The following PROCR variants were observed in gnomAD, a reference collection of about 807,000 sequenced individuals.
The protein encoded by PROCR is endothelial protein C receptor.
Under a neutral mutation model 24.2 loss-of-function variants are expected in PROCR, and 22 were observed. That is an observed-to-expected ratio of 0.91 (90% CI 0.65 to 1.30). The LOEUF (loss-of-function observed/expected upper bound fraction) is 1.30. Ranked by LOEUF, PROCR falls within the 50% of genes most tolerant of loss-of-function variation. The pLI is 0.00. For synonymous variants in PROCR, 137 were observed against 139.2 expected, an observed-to-expected ratio of 0.98 and a Z score of 0.11; for missense variants, 288 against 307.7, an observed-to-expected ratio of 0.94 and a Z score of 0.48.
At chr20:35,173,215 C>G (rs1211623707) in intron 1 of PROCR, among the ~76,000 whole-genome samples, 1 of 152,052 alleles carries the variant, frequency 6.6e-6, no homozygotes, top group Non-Finnish European at 1.5e-5. Context: ...CAGAGATTAC[C>G]AAGCATGGTT....
chr20:35,205,783 A>ATATATATATATATG (rs1555791723), intron 1 of PROCR, among the ~76,000 whole-genome samples: 10 of 137,862 alleles, frequency 7.3e-5, no homozygotes, highest in South Asian at 4.5e-4. Context: ...ATATATATAT[A>ATATATATATATATG]TATATGTATA....
At position 35,176,400 on chromosome 20, in the gene PROCR, C is replaced by T. The variant is rs1415218823; in HGVS notation, c.555C>T (p.Thr185=). The T allele has an allele frequency of 3.7e-6, 6 of 1,614,214 alleles. No homozygotes were observed. The highest frequency in any genetic ancestry group is 1.3e-5 in the African/African-American group (1 of 75,048). The change falls in exon 3 of 4, where the codon ACC becomes ACT. Residue 185 remains threonine (T), a synonymous_variant. Coordinates refer to ENST00000216968, the MANE Select transcript of PROCR (RefSeq NM_006404.5). ...AACTGCGGGAATTCCTGGAGGACAC[C>T]TGTGTGCAGTATGTGCAGAAACATA... ...RYELREFLED[T]CVQYVQKHIS...
chr20:35,205,039 G>A (rs1480908892), intron 1 of PROCR, among the ~76,000 whole-genome samples: 7 of 152,190 alleles, frequency 4.6e-5, no homozygotes, highest in Non-Finnish European at 8.8e-5. Context: ...TTGGGAGGGT[G>A]AAGCGGGCAG....
rs559639815 is a variant in PROCR at position 35,209,634 on chromosome 20, G to A, written c.95-6259G>A. On this transcript the variant is annotated intron_variant, in intron 1 of 1. Transcript: ENST00000634509. ...TGGAGCTAGCAAAAACTTAGGACAA[G>A]GGGCCAAGGAGGGGAAAATCAGGAA... Among the ~76,000 whole-genome samples the A allele has an allele frequency of 2.0e-5, 3 of 152,318 alleles. No individual in the cohort carries two copies. In the East Asian group the frequency reaches 5.8e-4, roughly 29 times the overall value.
intron 1 of PROCR, among the ~76,000 whole-genome samples, chr20:35,206,917 GC>G (rs1371394245): frequency 2.0e-5 from 3 of 152,116 alleles, no homozygotes; most frequent in African/African-American, 7.2e-5. Context: ...ATTCATAATT[GC>G]CAAAACTAGA....
chr20:35,185,746 G>T (rs926378296), intron 1 of PROCR, among the ~76,000 whole-genome samples: 2 of 152,250 alleles, frequency 1.3e-5, no homozygotes, highest in South Asian at 4.2e-4. Flanking sequence ...AAGAGTGGGA[G>T]GGGGGTGAGG....
chr20:35,191,397 C>A (rs2086172318), intron 1 of PROCR, among the ~76,000 whole-genome samples: 1 of 151,998 alleles, frequency 6.6e-6, no homozygotes, highest in Non-Finnish European at 1.5e-5. Flanking sequence ...AGCAATATAG[C>A]AGAGAACAAA....
chr20:35,188,824 G>C (rs1244044272), intron 1 of PROCR, among the ~76,000 whole-genome samples: 2 of 152,170 alleles, frequency 1.3e-5, no homozygotes, highest in Non-Finnish European at 2.9e-5. Context: ...TGGGAAGTCA[G>C]GGACCCCGAA....
chr20:35,185,297 C>T (rs974336195), intron 1 of PROCR, among the ~76,000 whole-genome samples: 3 of 152,142 alleles, frequency 2.0e-5, no homozygotes, highest in Non-Finnish European at 4.4e-5. Context: ...GGAATGTAAA[C>T]TAGTACAGCT....
chr20:35,178,517 T>TG (rs1315313240), downstream of PROCR, among the ~76,000 whole-genome samples: 2 of 49,328 alleles, frequency 4.1e-5, no homozygotes, highest in Non-Finnish European at 3.7e-5. Context: ...GTTTTTTTTT[T>TG]TTTTTTTTTT....
chr20:35,199,639 C>T (rs150643870), intron 1 of PROCR, among the ~76,000 whole-genome samples: 2,075 of 151,654 alleles, frequency 0.014, 59 homozygotes, highest in African/African-American at 0.046. Flanking sequence ...GTCCCAGCTA[C>T]TTGGGAGGCT....
intron 1 of PROCR, chr20:35,202,737 A>G (rs966097500): frequency 5.3e-5 from 8 of 152,210 alleles, no homozygotes; most frequent in African/African-American, 1.9e-4. Flanking sequence ...ACATGGAAAA[A>G]TCCACAGTCA....
chr20:35,174,913 C>T lies in PROCR; in HGVS notation c.282C>T (p.His94=). ...SGLQSYLLQF[H]GLVRLVHQER... ...TGCAGTCCTACCTGCTCCAGTTCCA[C>T]GGCCTCGTGCGCCTGGTGCACCAGG... The change falls in exon 2 of 4, where the codon CAC becomes CAT. Residue 94 remains histidine, a synonymous_variant. Transcript: ENST00000216968. 2.6e-6 allele frequency: 4 copies of T among 1,527,574 alleles called. No homozygotes were observed. The highest frequency in any genetic ancestry group is 3.6e-6 in the Non-Finnish European group (4 of 1,126,350). 94.6% of individuals were successfully genotyped at this position (1,527,574 alleles called of 1,614,324 possible).
chr20:35,196,888 A>G (rs1044146810), intron 1 of PROCR, among the ~76,000 whole-genome samples: 1 of 152,164 alleles, frequency 6.6e-6, no homozygotes, highest in African/African-American at 2.4e-5. Flanking sequence ...AGTCTAGGAG[A>G]GTTTCAATGT....
intron 1 of PROCR, among the ~76,000 whole-genome samples, chr20:35,207,072 G>GA (rs1312926451): frequency 6.6e-6 from 1 of 152,104 alleles, no homozygotes; most frequent in East Asian, 1.9e-4. Flanking sequence ...TATGCCAAGT[G>GA]AAAGAAGCCA....
intron 1 of PROCR, among the ~76,000 whole-genome samples, chr20:35,199,311 TATTACTACTC>T (rs1430317955): frequency 2.0e-5 from 3 of 152,166 alleles, no homozygotes; most frequent in Non-Finnish European, 4.4e-5. Flanking sequence ...CCTCTCAAAA[TATTACTACTC>T]ATTGGCAATG....
intron 1 of PROCR, among the ~76,000 whole-genome samples, chr20:35,204,435 C>T (rs988693500): frequency 5.4e-5 from 7 of 130,778 alleles, no homozygotes; most frequent in Non-Finnish European, 1.1e-4. Flanking sequence ...TCTTTTCTTT[C>T]CTTTTCTTTC....
At chr20:35,214,819 A>T (rs1263968097) in intron 1 of PROCR, among the ~76,000 whole-genome samples, 1 of 151,894 alleles carries the variant, frequency 6.6e-6, no homozygotes, top group Admixed American at 6.6e-5. Flanking sequence ...ATTGAGACTG[A>T]GTCGGGGGAT....
chr20:35,194,357 T>C (rs1224171664), intron 1 of PROCR, among the ~76,000 whole-genome samples: 1 of 152,176 alleles, frequency 6.6e-6, no homozygotes, highest in Non-Finnish European at 1.5e-5. Context: ...TCAAGAAAAG[T>C]TTTTTCTCTT....
Sources: allele counts gnomAD v4.1 joint callset (sites outside exome capture counted in the v4.1 genomes callset), GRCh38; gene constraint gnomAD v4.1.1; transcripts MANE v1.5; gene names NCBI Gene and HGNC (gene_info 2026-07-23, HGNC 2026-07-21).